Variants in INSR observed in about 807,000 individuals in gnomAD.
INSR encodes insulin receptor, also known as IR.
A neutral mutation model predicts 142.6 loss-of-function variants in INSR; 67 were observed. The observed-to-expected ratio is 0.47, with a 90% confidence interval of 0.39 to 0.58. The LOEUF (loss-of-function observed/expected upper bound fraction) is 0.58. Among genes scored for constraint, INSR ranks in the 20% least tolerant of loss-of-function variants. The probability of loss-of-function intolerance (pLI) is 0.00; values close to 1 mark genes in which losing one functional copy is unlikely to be tolerated. For synonymous variants in INSR, 756 were observed against 743.1 expected (o/e 1.02, Z -0.28); for missense variants, 1,248 against 1,833.2 (o/e 0.68, Z 5.83).
In INSR at chr19:7,133,536, G is replaced by A. The variant is rs573852440; in HGVS notation, c.2683-1219C>T. 3.6e-4 allele frequency among the ~76,000 whole-genome samples: 55 copies of A among 152,240 alleles called. No individual in the cohort carries two copies. The South Asian group carries it at 0.011, about 30-fold the overall frequency. On this transcript the variant is annotated intron_variant, in intron 13 of 21. Transcript: ENST00000302850. ...TGAAACTTTGCACCCTTTGGTTCAC[G>A]TCTCTCCTTGTTTTTCCTTTAATCA...
intron 16 of INSR, 115 bp downstream of exon 16, chr19:7,126,469 G>A: frequency 1.1e-6 from 1 of 911,432 alleles, no homozygotes. Flanking sequence ...AAATGAATAA[G>A]AGGGCTTTTC....
intron 2 of INSR, among the ~76,000 whole-genome samples, chr19:7,250,573 G>A (rs1437769298): frequency 7.2e-6 from 1 of 138,778 alleles, no homozygotes; most frequent in African/African-American, 2.7e-5. Flanking sequence ...GAAAAAGGAA[G>A]GAAGGAGGGA....
intron 2 of INSR, among the ~76,000 whole-genome samples, chr19:7,247,525 T>G (rs1413284242): frequency 2.0e-5 from 3 of 152,176 alleles, no homozygotes; most frequent in Non-Finnish European, 1.5e-5. Flanking sequence ...GAAAAAACAT[T>G]CAACGGTATA....
chr19:7,161,706 G>A (rs997332940), intron 9 of INSR, among the ~76,000 whole-genome samples: 3 of 152,222 alleles, frequency 2.0e-5, no homozygotes, highest in Middle Eastern at 3.4e-3. Context: ...GAAGTCTTGC[G>A]TGGGTTAACA....
intron 2 of INSR, among the ~76,000 whole-genome samples, chr19:7,212,133 A>T (rs1975294742): frequency 6.9e-6 from 1 of 145,612 alleles, no homozygotes; most frequent in Admixed American, 6.7e-5. Flanking sequence ...ATCTCCCCCC[A>T]CCCCGACGTG....
At chr19:7,261,376 C>T (rs928386808) in intron 2 of INSR, among the ~76,000 whole-genome samples, 51 of 152,106 alleles carry the variant, frequency 3.4e-4, no homozygotes, top group African/African-American at 1.2e-3. Flanking sequence ...GCATAGACCC[C>T]GTCTCCACTC....
rs754262409 is a variant in INSR at position 7,185,841 on chromosome 19, C to CAA, written c.653-1206_653-1205dup. ...CTGGGCAACAAGTGCAAAATTCTGTCAAAAAAAAAAAAAAAAAAGAGAGAG... is the reference window on the plus strand; with the variant it reads ...CTGGGCAACAAGTGCAAAATTCTGTCAAAAAAAAAAAAAAAAAAAAGAGAGAG... On this transcript the variant is annotated intron_variant, in intron 2 of 21. Transcript: ENST00000302850. Among the ~76,000 whole-genome samples the CAA allele has an allele frequency of 9.5e-3, 429 of 45,030 alleles. 18 individuals are homozygous for CAA. The highest frequency in any genetic ancestry group is 0.04 in the Middle Eastern group (2 of 50). The allele number at this position is 45,030 out of a possible 152,430, so 29.5% of individuals were successfully genotyped here. A position where few individuals can be genotyped will look rare whatever the true frequency, so the allele number is the denominator to read the frequency against.
chr19:7,126,473 G>A (rs996741715), intron 16 of INSR, 111 bp downstream of exon 16: 2 of 939,372 alleles, frequency 2.1e-6, no homozygotes, highest in African/African-American at 1.6e-5. Context: ...GAATAAGAGG[G>A]CTTTTCTTGG....
intron 2 of INSR, among the ~76,000 whole-genome samples, chr19:7,229,040 T>A (rs1353672737): frequency 2.0e-5 from 3 of 147,114 alleles, no homozygotes; most frequent in Non-Finnish European, 3.0e-5. Context: ...GATGAATGGA[T>A]GAGTGGATGT....
chr19:7,289,434 C>T (rs1968432121), intron 1 of INSR, among the ~76,000 whole-genome samples: 1 of 141,950 alleles, frequency 7.0e-6, no homozygotes, highest in Non-Finnish European at 1.5e-5. Flanking sequence ...GAGACAGAGT[C>T]TCTCTCTGTT....
In INSR at chr19:7,150,413, C is replaced by G. The variant is rs374888985; in HGVS notation, c.2267+84G>C. The G allele has an allele frequency of 1.6e-5, 21 of 1,311,112 alleles. No homozygotes were observed. The highest frequency in any genetic ancestry group is 1.8e-5 in the Admixed American group (1 of 56,934). 81.2% of individuals were successfully genotyped at this position (1,311,112 alleles called of 1,614,324 possible). ...CGCCGCATGCAAAAAGCCACAGAAA[C>G]CCCTGGGTTCTCCGAGGCATCTGCC... On this transcript the variant is annotated intron_variant, in intron 11 of 21. Transcript: ENST00000302850. The surrounding 1 kb of genome is among the most constrained non-coding windows in gnomAD (Gnocchi z 4.2).
intron 1 of INSR, among the ~76,000 whole-genome samples, chr19:7,289,071 C>T (rs1002423504): frequency 1.3e-5 from 2 of 151,652 alleles, no homozygotes; most frequent in South Asian, 2.1e-4. Flanking sequence ...AACAGAAGAA[C>T]TTAGGCACAG....
Position 7,161,951 on chromosome 19 carries a change from G to C in INSR, c.2029+1081C>G, listed in dbSNP as rs376223834. Among the ~76,000 whole-genome samples, 18 of 152,192 alleles carry C rather than the reference G, an allele frequency of 1.2e-4. No individual in the cohort carries two copies. The East Asian group carries it at 3.1e-3, about 26-fold the overall frequency. ...TAATCCCAGCGCTTTGGGAGGCTGA[G>C]GGGGGTGAATTGCTTGAAGCCAGGA... On this transcript the variant is annotated intron_variant, in intron 9 of 21. Coordinates refer to ENST00000302850, the MANE Select transcript of INSR (RefSeq NM_000208.4).
At chr19:7,261,714 A>T (rs1412409192) in intron 2 of INSR, among the ~76,000 whole-genome samples, 2 of 151,860 alleles carry the variant, frequency 1.3e-5, no homozygotes, top group Admixed American at 1.3e-4. Flanking sequence ...TATTTTTAGT[A>T]GAGACAGCGT....
chr19:7,202,402 G>A (rs544989436), intron 2 of INSR, among the ~76,000 whole-genome samples: 29 of 152,138 alleles, frequency 1.9e-4, no homozygotes, highest in African/African-American at 7.0e-4. Context: ...TTGTCTCCAT[G>A]TTCACATCAT....
intron 2 of INSR, among the ~76,000 whole-genome samples, chr19:7,245,225 C>T (rs952692221): frequency 1.1e-4 from 16 of 152,060 alleles, no homozygotes; most frequent in Admixed American, 5.2e-4. Context: ...CGTGAGCCAC[C>T]GCGCCCAGCC....
intron 1 of INSR, among the ~76,000 whole-genome samples, chr19:7,278,217 G>A (rs1436128492): frequency 6.6e-6 from 1 of 152,202 alleles, no homozygotes; most frequent in Non-Finnish European, 1.5e-5. Flanking sequence ...GAAAACAAGT[G>A]TAATCTGTAG....
rs539037803 is a variant in INSR at position 7,164,654 on chromosome 19, CAAAAAAA to C, written c.1862-1462_1862-1456del. Among the ~76,000 whole-genome samples the C allele has an allele frequency of 4.9e-3, 370 of 76,040 alleles. 2 individuals carry two copies. Among genetic ancestry groups the C allele is most frequent in the Middle Eastern group, 0.023 (3 of 130 alleles). 49.9% of individuals were successfully genotyped at this position (76,040 alleles called of 152,430 possible). The stretch of plus-strand genomic sequence containing the variant: ...CCAACATGGAGAAACCTTGTCTCTA[CAAAAAAA>C]AAAAAAAAAAAAAAATTCGCCAATC... On this transcript the variant is annotated intron_variant, in intron 8 of 21. Coordinates refer to ENST00000302850, the MANE Select transcript of INSR (RefSeq NM_000208.4).
At chr19:7,264,688 G>T (rs1299291591) in intron 2 of INSR, among the ~76,000 whole-genome samples, 1 of 152,180 alleles carries the variant, frequency 6.6e-6, no homozygotes, top group Non-Finnish European at 1.5e-5. Context: ...ACAAACCCCA[G>T]TTCTGTCTTT....
Sources: gnomAD v4.1 joint callset for allele counts (sites outside exome capture counted in the v4.1 genomes callset) on GRCh38, gnomAD v4.1.1 for gene constraint, Gnocchi (gnomAD v3.1) non-coding constraint, MANE v1.5 for transcripts, NCBI Gene and HGNC (gene_info 2026-07-23, HGNC 2026-07-21) for gene names.